Variants in PCDH7 observed in about 807,000 individuals in gnomAD.
PCDH7 encodes the protein protocadherin-7.
A neutral mutation model predicts 58.9 loss-of-function variants in PCDH7; 17 were observed. The ratio of observed to expected loss-of-function variants is 0.29; its 90% CI spans 0.20 to 0.43. PCDH7 has a LOEUF of 0.43. Among genes scored for constraint, PCDH7 ranks in the 20% least tolerant of loss-of-function variants. PCDH7 has a pLI of 1.00. For synonymous variants in PCDH7, 664 were observed against 616.4 expected (o/e 1.08, Z -1.14); for missense variants, 1,274 against 1,441.0 (o/e 0.88, Z 1.88).
chr4:31,142,523 T>G, exon 4 of PCDH7: 1 of 1,367,652 alleles, frequency 7.3e-7, no homozygotes, highest in Non-Finnish European at 9.8e-7. Flanking sequence ...CACTCGTGAG[T>G]GTGATGAGTA....
At chr4:30,888,632 G>A (rs1738175029) in intron 1 of PCDH7, among the ~76,000 whole-genome samples, 1 of 152,026 alleles carries the variant, frequency 6.6e-6, no homozygotes, top group African/African-American at 2.4e-5. Context: ...TTGATAACAG[G>A]GCTGTGGTTT....
chr4:30,938,368 T>G (rs183116005), intron 2 of PCDH7, among the ~76,000 whole-genome samples: 1 of 152,232 alleles, frequency 6.6e-6, no homozygotes. Context: ...AAATATTTCC[T>G]GGATCAACAT....
At chr4:31,117,922 G>A (rs912793094) in intron 3 of PCDH7, among the ~76,000 whole-genome samples, 3 of 152,034 alleles carry the variant, frequency 2.0e-5, no homozygotes, top group Admixed American at 1.3e-4. Flanking sequence ...GAAAAGCTAC[G>A]TTTTATTTGT....
intron 3 of PCDH7, among the ~76,000 whole-genome samples, chr4:31,021,747 G>T (rs889992097): frequency 1.3e-5 from 2 of 152,156 alleles, no homozygotes; most frequent in African/African-American, 2.4e-5. Context: ...CCAGAGACAC[G>T]AGTGTCTCTA....
At chr4:30,964,284 C>A (rs1324451791) in intron 3 of PCDH7, among the ~76,000 whole-genome samples, 1 of 150,860 alleles carries the variant, frequency 6.6e-6, no homozygotes, top group Non-Finnish European at 1.5e-5. Context: ...CTCTGTCTCC[C>A]AGGCTGGAGT....
intron 3 of PCDH7, among the ~76,000 whole-genome samples, chr4:30,965,935 T>C (rs933322010): frequency 6.6e-6 from 1 of 152,174 alleles, no homozygotes; most frequent in Non-Finnish European, 1.5e-5. Flanking sequence ...CATTTTCATC[T>C]AAAAGTATTT....
At chr4:30,914,609 A>G (rs183239915) in intron 1 of PCDH7, among the ~76,000 whole-genome samples, 25 of 152,318 alleles carry the variant, frequency 1.6e-4, no homozygotes, top group South Asian at 4.1e-4. Context: ...TAGAAATTCT[A>G]TTTAGAAGCT....
intron 1 of PCDH7, among the ~76,000 whole-genome samples, chr4:30,886,621 G>A (rs1248557754): frequency 6.7e-6 from 1 of 149,596 alleles, no homozygotes; most frequent in Non-Finnish European, 1.5e-5. Flanking sequence ...TCCCATTACT[G>A]GGTATATACC....
chr4:31,033,073 T>C (rs1211790609), intron 3 of PCDH7, among the ~76,000 whole-genome samples: 10 of 152,218 alleles, frequency 6.6e-5, no homozygotes, highest in Admixed American at 5.9e-4. Flanking sequence ...ACTTATGGAA[T>C]GAGTAATTTT....
intron 3 of PCDH7, among the ~76,000 whole-genome samples, chr4:30,958,150 A>T (rs963359486): frequency 1.3e-5 from 2 of 152,016 alleles, no homozygotes; most frequent in Non-Finnish European, 1.5e-5. Flanking sequence ...ACAGTTTTTT[A>T]AAAATACTCT....
chr4:30,778,563 A>G (rs1722367380), intron 1 of PCDH7, among the ~76,000 whole-genome samples: 1 of 152,164 alleles, frequency 6.6e-6, no homozygotes, highest in Admixed American at 6.6e-5. Context: ...GATTCTCCAA[A>G]TTCATCTCAC....
chr4:30,823,206 G>C (rs1019006548), intron 1 of PCDH7, among the ~76,000 whole-genome samples: 1 of 152,090 alleles, frequency 6.6e-6, no homozygotes, highest in African/African-American at 2.4e-5. Flanking sequence ...TAAAAATATG[G>C]AGGCATGATT....
chr4:31,021,620 C>G (rs1022243775), intron 3 of PCDH7, among the ~76,000 whole-genome samples: 4 of 152,124 alleles, frequency 2.6e-5, no homozygotes, highest in Admixed American at 1.3e-4. Context: ...CTTGTAATTC[C>G]AGCCTCTCTC....
intron 1 of PCDH7, among the ~76,000 whole-genome samples, chr4:30,743,122 G>T (rs528972454): frequency 6.6e-6 from 1 of 151,648 alleles, no homozygotes; most frequent in East Asian, 1.9e-4. Context: ...GGAAGATGGT[G>T]GGAAATATAA....
intron 3 of PCDH7, among the ~76,000 whole-genome samples, chr4:31,137,208 A>G (rs565660268): frequency 7.9e-5 from 12 of 152,358 alleles, no homozygotes; most frequent in African/African-American, 2.6e-4. Flanking sequence ...AAAGAAAACC[A>G]AACACTTTAA....
chr4:30,877,135 C>A (rs1736393309), intron 1 of PCDH7, among the ~76,000 whole-genome samples: 1 of 151,958 alleles, frequency 6.6e-6, no homozygotes, highest in African/African-American at 2.4e-5. Context: ...AGAAAAAATA[C>A]TTCTTAGGAT....
chr4:30,723,190 G>A lies in PCDH7; in HGVS notation c.1768G>A (p.Asp590Asn), dbSNP rs1036504376. The change falls in exon 1 of 2, where the codon GAC becomes AAC. Residue 590 changes from aspartate to asparagine, a missense_variant. Coordinates refer to ENST00000361762, the Ensembl canonical transcript of PCDH7. This position sits in a 1 kb window ranked among gnomAD's most constrained non-coding sequence, Gnocchi z 4.6. ...CTTTGCCATCGATCCCGATTCTGGG[G>A]ACATCCTGGTCAATACCGTGCTGGA... 6.2e-7 allele frequency: 1 copy of A among 1,614,030 alleles called. No individual in the cohort carries two copies. Among genetic ancestry groups the A allele is most frequent in the Non-Finnish European group, 8.5e-7 (1 of 1,180,054 alleles).
chr4:30,892,350 G>A (rs1421725244), intron 1 of PCDH7, among the ~76,000 whole-genome samples: 1 of 152,012 alleles, frequency 6.6e-6, no homozygotes, highest in Non-Finnish European at 1.5e-5. Flanking sequence ...TGTTAGTAAA[G>A]TAGACCACGT....
At chr4:31,007,237 T>C (rs1191788670) in intron 3 of PCDH7, among the ~76,000 whole-genome samples, 2 of 152,088 alleles carry the variant, frequency 1.3e-5, no homozygotes, top group Non-Finnish European at 2.9e-5. Flanking sequence ...TAATTGTAAA[T>C]ACTCACTTGC....
Sources: gnomAD v4.1 joint callset for allele counts (sites outside exome capture counted in the v4.1 genomes callset) on GRCh38, gnomAD v4.1.1 for gene constraint, Gnocchi (gnomAD v3.1) non-coding constraint, MANE v1.5 for transcripts, NCBI Gene and HGNC (gene_info 2026-07-23, HGNC 2026-07-21) for gene names.